CDH12: variants seen among roughly 807,000 people sequenced by gnomAD.
CDH12 encodes the protein cadherin 12, also known as cadherin-12.
CDH12 carries 41 observed loss-of-function variants against 74.1 expected under a neutral mutation model. That is an observed-to-expected ratio of 0.55 (90% CI 0.43 to 0.72). The LOEUF (loss-of-function observed/expected upper bound fraction) is 0.72, where lower values mean the gene tolerates loss of function less well. CDH12 is among the 30% of genes least tolerant of loss of function. The probability of loss-of-function intolerance (pLI) is 0.00; values close to 1 mark genes in which losing one functional copy is unlikely to be tolerated. For synonymous variants in CDH12, 399 were observed against 355.0 expected (o/e 1.12, Z -1.39); for missense variants, 945 against 977.2 (o/e 0.97, Z 0.44).
chr5:22,461,766 T>C (rs956007721), intron 2 of CDH12, among the ~76,000 whole-genome samples: 9 of 149,984 alleles, frequency 6.0e-5, no homozygotes, highest in African/African-American at 2.0e-4. Context: ...TTTACTTCAA[T>C]TGTGGTCTCC....
intron 1 of CDH12, among the ~76,000 whole-genome samples, chr5:22,711,572 C>A (rs917441839): frequency 3.3e-5 from 5 of 152,028 alleles, no homozygotes; most frequent in African/African-American, 9.7e-5. Context: ...CAGGTCTTGT[C>A]ATAAATAATT....
At chr5:22,290,297 A>T (rs1737327176) in intron 3 of CDH12, among the ~76,000 whole-genome samples, 1 of 152,172 alleles carries the variant, frequency 6.6e-6, no homozygotes, top group African/African-American at 2.4e-5. Flanking sequence ...ACCCCAAAAC[A>T]TCGAGATGGA....
At chr5:22,030,120 G>A (rs540452555) in intron 5 of CDH12, among the ~76,000 whole-genome samples, 160 of 150,868 alleles carry the variant, frequency 1.1e-3, no homozygotes, top group Non-Finnish European at 1.9e-3. Flanking sequence ...TTGTGGGGTG[G>A]GGGGGAGGGG....
intron 10 of CDH12, among the ~76,000 whole-genome samples, chr5:21,792,425 G>C (rs183996116): frequency 2.1e-3 from 315 of 151,784 alleles, no homozygotes; most frequent in Non-Finnish European, 3.5e-3. Context: ...ATTTACAAAA[G>C]TATATCATTT....
rs561405988 is a variant in CDH12, at chr5:22,374,261, C to T, written c.-333+30996G>A. ...AAAAAATGGAAAAAAAATCAATATC[C>T]CTTCATGATAAAAACTCTCAACAAA... On this transcript the variant is annotated intron_variant, in intron 3 of 14. Coordinates refer to ENST00000382254, the MANE Select transcript of CDH12 (RefSeq NM_004061.5). Among the ~76,000 whole-genome samples the T allele has an allele frequency of 3.9e-5, 6 of 152,010 alleles. No individual in the cohort carries two copies. In the South Asian group the frequency reaches 8.3e-4, roughly 21 times the overall value.
intron 2 of CDH12, among the ~76,000 whole-genome samples, chr5:22,468,814 A>G (rs1448036993): frequency 2.6e-5 from 4 of 152,212 alleles, no homozygotes; most frequent in Admixed American, 1.3e-4. Flanking sequence ...TTTTAGATAG[A>G]TACAGATATA....
chr5:21,928,917 T>C (rs1754713352), intron 6 of CDH12, among the ~76,000 whole-genome samples: 1 of 152,158 alleles, frequency 6.6e-6, no homozygotes, highest in Non-Finnish European at 1.5e-5. Context: ...GAAGAGCACA[T>C]ATTCTTGGGT....
intron 5 of CDH12, among the ~76,000 whole-genome samples, chr5:21,979,782 C>T (rs999378512): frequency 6.6e-6 from 1 of 151,426 alleles, no homozygotes; most frequent in Non-Finnish European, 1.5e-5. Context: ...TACTAACCCA[C>T]ATGTGGATAT....
chr5:22,437,526 T>G (rs1407657885), intron 2 of CDH12, among the ~76,000 whole-genome samples: 3 of 146,184 alleles, frequency 2.1e-5, no homozygotes, highest in South Asian at 2.1e-4. Flanking sequence ...CAAAGCAGAC[T>G]GTAGCCAAGT....
intron 6 of CDH12, among the ~76,000 whole-genome samples, chr5:21,932,582 T>C (rs539642505): frequency 1.3e-5 from 2 of 152,100 alleles, no homozygotes; most frequent in South Asian, 4.1e-4. Flanking sequence ...TTGCACATCA[T>C]TCAAAAAATA....
intron 5 of CDH12, among the ~76,000 whole-genome samples, chr5:22,041,217 A>G (rs182611143): frequency 1.5e-4 from 23 of 152,240 alleles, no homozygotes; most frequent in African/African-American, 5.3e-4. Context: ...AAGAATTAAA[A>G]CTTACACTAA....
At chr5:21,900,849 C>T (rs1175476783) in intron 6 of CDH12, among the ~76,000 whole-genome samples, 1 of 152,164 alleles carries the variant, frequency 6.6e-6, no homozygotes, top group Non-Finnish European at 1.5e-5. Context: ...ATACAGTCAT[C>T]TTTAAAACCT....
chr5:22,387,911 G>T (rs1195469398), intron 3 of CDH12, among the ~76,000 whole-genome samples: 1 of 152,036 alleles, frequency 6.6e-6, no homozygotes, highest in Non-Finnish European at 1.5e-5. Context: ...ATAGTTCAGA[G>T]AATATATGAA....
rs1458351309 is a variant in CDH12, at chr5:21,760,386, C to T, written c.1633+172G>A. On this transcript the variant is annotated intron_variant, in intron 13 of 14. Coordinates refer to ENST00000382254, the MANE Select transcript of CDH12 (RefSeq NM_004061.5). The stretch of plus-strand genomic sequence containing the variant: ...CAAGCAACCTGCCTTACTAGACAGT[C>T]TGTATAGATTAAATATTTAATTTAC... Among the ~76,000 whole-genome samples the T allele has an allele frequency of 3.3e-5, 5 of 152,076 alleles. No homozygotes were observed. In the South Asian group the frequency reaches 1.0e-3, roughly 32 times the overall value.
chr5:21,987,050 C>A (rs1002023095), intron 5 of CDH12, among the ~76,000 whole-genome samples: 1 of 152,076 alleles, frequency 6.6e-6, no homozygotes, highest in Non-Finnish European at 1.5e-5. Flanking sequence ...GAACCCAAAT[C>A]TGAACTCGAA....
chr5:22,028,773 T>C (rs1738578969), intron 5 of CDH12, among the ~76,000 whole-genome samples: 1 of 152,116 alleles, frequency 6.6e-6, no homozygotes, highest in Admixed American at 6.6e-5. Context: ...TTAAAGTTCA[T>C]ATGGAACCAA....
intron 3 of CDH12, among the ~76,000 whole-genome samples, chr5:22,282,727 A>C (rs1189600111): frequency 6.6e-6 from 1 of 152,182 alleles, no homozygotes; most frequent in Non-Finnish European, 1.5e-5. Flanking sequence ...TGATCATTAA[A>C]AGTCAGGAAC....
At chr5:22,124,112 G>T (rs557705550) in intron 4 of CDH12, among the ~76,000 whole-genome samples, 1 of 150,828 alleles carries the variant, frequency 6.6e-6, no homozygotes, top group Non-Finnish European at 1.5e-5. Context: ...GGATTACAGC[G>T]CGCGCCAACA....
chr5:22,486,521 G>A (rs1354707336), intron 2 of CDH12, among the ~76,000 whole-genome samples: 2 of 147,958 alleles, frequency 1.4e-5, no homozygotes, highest in Non-Finnish European at 1.5e-5. Flanking sequence ...ACACGATCTC[G>A]GCTCACCGGA....
Sources: gnomAD v4.1 joint callset for allele counts (sites outside exome capture counted in the v4.1 genomes callset) on GRCh38, gnomAD v4.1.1 for gene constraint, MANE v1.5 for transcripts, NCBI Gene and HGNC (gene_info 2026-07-23, HGNC 2026-07-21) for gene names.